NIN: variants seen among roughly 807,000 people sequenced by gnomAD.
The protein encoded by NIN is ninein, also known as glycogen synthase kinase 3 beta-interacting protein.
Under a neutral mutation model 257.6 loss-of-function variants are expected in NIN, and 137 were observed. The observed-to-expected ratio is 0.53, with a 90% CI of 0.46 to 0.61. NIN has a LOEUF of 0.61. NIN is among the 20% of genes least tolerant of loss of function. NIN has a pLI of 0.00. For missense variants in NIN, 2,439 were observed against 2,501.2 expected (o/e 0.98, Z 0.53); for synonymous variants, 918 against 919.8 (o/e 1.00, Z 0.04).
intron 28 of NIN, chr14:50,730,904 T>C (rs1180594409): frequency 7.5e-7 from 1 of 1,339,174 alleles, no homozygotes. Flanking sequence ...TGAAAGTTCA[T>C]TGAAAGAGAA....
At chr14:50,744,970 C>T (rs1039718374) in intron 22 of NIN, among the ~76,000 whole-genome samples, 1 of 152,030 alleles carries the variant, frequency 6.6e-6, no homozygotes, top group African/African-American at 2.4e-5. Context: ...GAACCACATA[C>T]AAGTAACAAC....
intron 21 of NIN, among the ~76,000 whole-genome samples, chr14:50,750,788 T>C (rs978105672): frequency 2.0e-5 from 3 of 152,206 alleles, no homozygotes; most frequent in Admixed American, 1.3e-4. Context: ...GTGAAGAGTA[T>C]GTGAAACGTT....
chr14:50,754,563 C>A lies in NIN; in HGVS notation c.4734G>T (p.Gln1578His). The A allele has an allele frequency of 6.3e-7, 1 of 1,598,636 alleles. No homozygotes were observed. Among genetic ancestry groups the A allele is most frequent in the South Asian group, 1.1e-5 (1 of 88,000 alleles). Residue 1578 changes from glutamine (Q) to histidine (H), a missense_variant and splice_region_variant, in exon 20 of 31, where the codon CAG (glutamine) becomes CAT (histidine). Physicochemically the swap from Gln to His is conservative, Grantham distance 24. Coordinates refer to ENST00000530997, the MANE Select transcript of NIN (RefSeq NM_020921.4). The part of the protein sequence containing the change: ...VQKMVENLKK[Q>H]ISELKIKNQQ... ...TGAGAAATATTAAGTATTTCCTTAC[C>A]TGTTTCTTTAAATTTTCAACCATCT... is the stretch of plus-strand genomic sequence containing the variant.
chr14:50,766,207 G>A (rs759014572), intron 14 of NIN, 100 bp downstream of exon 14: 3 of 840,630 alleles, frequency 3.6e-6, no homozygotes, highest in Non-Finnish European at 6.0e-6. Context: ...AGTACCCACA[G>A]ATGAAGTGAC....
In NIN at chr14:50,822,063, G is replaced by T; in HGVS notation, c.-7C>A. ...CCTGCTCCACCTCATCCATCCCATA[G>T]CCCACAGTGCTCACCTGTGTGTAAG... is the stretch of plus-strand genomic sequence containing the variant. On this transcript the variant is annotated 5_prime_UTR_variant, in exon 3 of 31. Transcript: ENST00000530997. 6.2e-7 allele frequency: 1 copy of T among 1,610,930 alleles called. No homozygotes were observed. The highest frequency in any genetic ancestry group is 8.5e-7 in the Non-Finnish European group (1 of 1,178,018).
At chr14:50,777,174 G>T (rs755380822) in intron 6 of NIN, 35 bp from the exon 7 acceptor site, 1 of 1,506,374 alleles carries the variant, frequency 6.6e-7, no homozygotes, top group South Asian at 1.3e-5. Context: ...GGTTTCCAAA[G>T]GAATTGCAAA....
chr14:50,763,524 G>C (rs2042353341), intron 15 of NIN, among the ~76,000 whole-genome samples: 1 of 152,176 alleles, frequency 6.6e-6, no homozygotes, highest in African/African-American at 2.4e-5. Context: ...CCCAAGGCCT[G>C]GATTCCCAGA....
intron 22 of NIN, 45 bp from the exon 23 acceptor site, chr14:50,744,410 T>C (rs1246389346): frequency 5.0e-6 from 8 of 1,603,094 alleles, no homozygotes; most frequent in Non-Finnish European, 5.1e-6. Context: ...ATCTCATGGC[T>C]GTAAGTACAA....
At chr14:50,822,942 T>C (rs1397947926) in intron 2 of NIN, among the ~76,000 whole-genome samples, 1 of 152,140 alleles carries the variant, frequency 6.6e-6, no homozygotes, top group Non-Finnish European at 1.5e-5. Flanking sequence ...TCATACAGCA[T>C]CTCAGGGAAC....
intron 4 of NIN, among the ~76,000 whole-genome samples, chr14:50,805,540 A>C (rs898703427): frequency 2.0e-5 from 3 of 152,116 alleles, no homozygotes; most frequent in Non-Finnish European, 4.4e-5. Context: ...CCATACACAC[A>C]ACACAAATCT....
At chr14:50,819,565 C>A (rs1184758398) in intron 3 of NIN, among the ~76,000 whole-genome samples, 1 of 152,168 alleles carries the variant, frequency 6.6e-6, no homozygotes, top group Admixed American at 6.5e-5. Context: ...GCCTCCCCAG[C>A]CACAAGGAAC....
At chr14:50,741,930 T>G (rs2041304173) in intron 24 of NIN, 2 of 511,094 alleles carry the variant, frequency 3.9e-6, no homozygotes, top group South Asian at 7.2e-5. Context: ...AGGACAATGA[T>G]GAACTATGTC....
intron 24 of NIN, among the ~76,000 whole-genome samples, chr14:50,743,097 G>A (rs2041365979): frequency 6.6e-6 from 1 of 151,610 alleles, no homozygotes; most frequent in Admixed American, 6.6e-5. Context: ...TGGAGTAGCT[G>A]GGACTTAACA....
At chr14:50,752,133 C>T (rs928733624) in intron 21 of NIN, among the ~76,000 whole-genome samples, 8 of 147,748 alleles carry the variant, frequency 5.4e-5, no homozygotes, top group Non-Finnish European at 8.9e-5. Flanking sequence ...CAAATTCACC[C>T]GTATTTTCTT....
intron 28 of NIN, among the ~76,000 whole-genome samples, chr14:50,733,101 T>C (rs2040801647): frequency 6.7e-6 from 1 of 149,394 alleles, no homozygotes; most frequent in African/African-American, 2.5e-5. Context: ...ATTAATAATT[T>C]TTTTTTTTTG....
At chr14:50,828,288 T>C (rs1487756223) in intron 2 of NIN, among the ~76,000 whole-genome samples, 2 of 152,238 alleles carry the variant, frequency 1.3e-5, no homozygotes, top group Admixed American at 1.3e-4. Flanking sequence ...AATTAGGGTA[T>C]AGATAGATGC....
chr14:50,778,697 A>G (rs2043012252), intron 6 of NIN, 68 bp downstream of exon 6: 1 of 1,369,580 alleles, frequency 7.3e-7, no homozygotes, highest in African/African-American at 1.4e-5. Flanking sequence ...GAGATCAGAA[A>G]GACCGGGTGT....
intron 4 of NIN, chr14:50,806,142 C>T (rs1433191897): frequency 3.3e-5 from 5 of 152,126 alleles, no homozygotes; most frequent in Admixed American, 6.6e-5. Context: ...ACCTATGGTG[C>T]TTAGAAAAAA....
intron 17 of NIN, among the ~76,000 whole-genome samples, chr14:50,759,594 C>T (rs1014709741): frequency 7.9e-5 from 12 of 151,922 alleles, no homozygotes; most frequent in African/African-American, 2.9e-4. Flanking sequence ...CCCGGGTTCA[C>T]GCCATTCTCC....
Sources: gnomAD v4.1 joint callset for allele counts (sites outside exome capture counted in the v4.1 genomes callset) on GRCh38, gnomAD v4.1.1 for gene constraint, MANE v1.5 for transcripts, NCBI Gene and HGNC (gene_info 2026-07-23, HGNC 2026-07-21) for gene names.